The following AGBL1 variants were observed in gnomAD, a reference collection of about 807,000 sequenced individuals.
The protein encoded by AGBL1 is cytosolic carboxypeptidase 4.
AGBL1 carries 130 observed loss-of-function variants against 118.9 expected under a neutral mutation model. That is an observed-to-expected ratio of 1.09 (90% CI 0.95 to 1.26). The LOEUF (loss-of-function observed/expected upper bound fraction) is 1.26. Among genes scored for constraint, AGBL1 ranks in the 50% most tolerant of loss-of-function variants. The probability of loss-of-function intolerance (pLI) is 0.00; values close to 1 mark genes in which losing one functional copy is unlikely to be tolerated. For synonymous variants in AGBL1, 555 were observed against 478.9 expected (o/e 1.16, Z -2.08); for missense variants, 1,584 against 1,298.1 (o/e 1.22, Z -3.38).
intron 21 of AGBL1, among the ~76,000 whole-genome samples, chr15:86,565,216 A>G (rs2083894930): frequency 6.6e-6 from 1 of 152,238 alleles, no homozygotes; most frequent in Non-Finnish European, 1.5e-5. Flanking sequence ...TCTGATTTTT[A>G]GAATTTTCAG....
chr15:86,134,593 ATCAATGGTGCCTTTTTTTTTTTTTT>A (rs1304561127), intron 1 of AGBL1, among the ~76,000 whole-genome samples: 1 of 137,362 alleles, frequency 7.3e-6, no homozygotes, highest in Non-Finnish European at 1.6e-5. Flanking sequence ...ACTGTGATGG[ATCAATGGTGCCTTTTTTTTTTTTTT>A]TTTTTTTTTT....
intron 23 of AGBL1, among the ~76,000 whole-genome samples, chr15:86,961,931 G>A (rs550945211): frequency 6.6e-6 from 1 of 152,168 alleles, no homozygotes; most frequent in African/African-American, 2.4e-5. Flanking sequence ...CTACTAAATA[G>A]AAGGGCCTGA....
chr15:86,704,237 C>T (rs1382056421), intron 22 of AGBL1, among the ~76,000 whole-genome samples: 1 of 152,146 alleles, frequency 6.6e-6, no homozygotes, highest in African/African-American at 2.4e-5. Context: ...GGCAAAGACT[C>T]ATGACTAAAA....
chr15:86,992,466 T>C (rs1170506080), intron 24 of AGBL1, among the ~76,000 whole-genome samples: 2 of 152,214 alleles, frequency 1.3e-5, no homozygotes, highest in South Asian at 2.1e-4. Flanking sequence ...CATACTTTGA[T>C]CTATTGCACT....
chr15:86,350,595 C>A (rs531059273), intron 17 of AGBL1, among the ~76,000 whole-genome samples: 1 of 152,236 alleles, frequency 6.6e-6, no homozygotes, highest in South Asian at 2.1e-4. Flanking sequence ...CCAGGATTTG[C>A]CTGTAATGCA....
intron 16 of AGBL1, among the ~76,000 whole-genome samples, chr15:86,280,386 T>A (rs1170545847): frequency 6.6e-6 from 1 of 152,136 alleles, no homozygotes; most frequent in African/African-American, 2.4e-5. Flanking sequence ...AAGAAGTCAG[T>A]GCAGACTCAC....
chr15:86,640,344 G>A (rs2085170477), intron 21 of AGBL1, among the ~76,000 whole-genome samples: 1 of 152,134 alleles, frequency 6.6e-6, no homozygotes, highest in Non-Finnish European at 1.5e-5. Context: ...CTGATTGGAA[G>A]AGCAATCAGA....
In AGBL1 at chr15:86,662,240, T is replaced by C. The variant is rs536199200; in HGVS notation, c.2995-12033T>C. On this transcript the variant is annotated intron_variant, in intron 21 of 22. Transcript: ENST00000614907. Reference sequence around the variant, plus strand: ...TATTCTGCTATGCCTCTGTGTGTAATATTACATACTGCATAGGGAAAAAGT... The same window carrying C: ...TATTCTGCTATGCCTCTGTGTGTAACATTACATACTGCATAGGGAAAAAGT... 2.6e-5 allele frequency among the ~76,000 whole-genome samples: 4 copies of C among 152,394 alleles called. No individual in the cohort carries two copies. In the South Asian group the frequency reaches 8.3e-4, roughly 32 times the overall value.
intron 17 of AGBL1, chr15:86,295,820 C>T (rs1038896931): frequency 8.3e-5 from 13 of 157,522 alleles, no homozygotes; most frequent in Admixed American, 7.9e-4. Context: ...GCTAAAGAAT[C>T]CCCTTGATAA....
chr15:86,246,269 G>A (rs2054692612), intron 6 of AGBL1, among the ~76,000 whole-genome samples: 1 of 152,206 alleles, frequency 6.6e-6, no homozygotes, highest in African/African-American at 2.4e-5. Context: ...GTTGGGGTGT[G>A]TGGAGGAGGC....
At chr15:86,243,450 T>A (rs772527328) in intron 6 of AGBL1, among the ~76,000 whole-genome samples, 1 of 152,124 alleles carries the variant, frequency 6.6e-6, no homozygotes, top group Admixed American at 6.5e-5. Context: ...CCTGGAGAGA[T>A]AAGCAGAAAT....
At chr15:86,237,170 A>G (rs1316398806) in intron 6 of AGBL1, among the ~76,000 whole-genome samples, 6 of 152,286 alleles carry the variant, frequency 3.9e-5, no homozygotes, top group African/African-American at 7.2e-5. Context: ...TTTCCTCTGT[A>G]TCTGCCTAAA....
At chr15:86,360,594 C>A (rs12592506) in intron 17 of AGBL1, among the ~76,000 whole-genome samples, 72,811 of 151,568 alleles carry the variant, frequency 0.48, 18,671 homozygotes, top group Non-Finnish European at 0.58. Flanking sequence ...TCTTTTTTGG[C>A]AGAGTTTAAG....
At chr15:86,965,260 C>T (rs556219417) in intron 23 of AGBL1, among the ~76,000 whole-genome samples, 43 of 152,182 alleles carry the variant, frequency 2.8e-4, no homozygotes, top group Admixed American at 1.4e-3. Context: ...AGTCTAAAAG[C>T]GTTTCTATTT....
intron 6 of AGBL1, among the ~76,000 whole-genome samples, chr15:86,235,990 G>A (rs563576146): frequency 6.6e-6 from 1 of 152,318 alleles, no homozygotes; most frequent in South Asian, 2.1e-4. Context: ...CACTGAGGCC[G>A]AAAGAGATTG....
intron 22 of AGBL1, among the ~76,000 whole-genome samples, chr15:86,753,232 G>T (rs2077881500): frequency 6.6e-6 from 1 of 151,758 alleles, no homozygotes; most frequent in Non-Finnish European, 1.5e-5. Flanking sequence ...GGTTTTTCTG[G>T]CTCAATCTCC....
chr15:86,083,948 T>C (rs1010518329), intron 1 of AGBL1, among the ~76,000 whole-genome samples: 2 of 152,224 alleles, frequency 1.3e-5, no homozygotes, highest in Non-Finnish European at 2.9e-5. Flanking sequence ...AATTTTCCTT[T>C]AGATAGCAAA....
chr15:86,731,651 T>C (rs977145465), intron 22 of AGBL1, among the ~76,000 whole-genome samples: 2 of 152,058 alleles, frequency 1.3e-5, no homozygotes, highest in Non-Finnish European at 2.9e-5. Flanking sequence ...GATACAAAGA[T>C]AGAGAGAGGA....
chr15:86,498,177 A>G (rs1425243978), intron 18 of AGBL1, among the ~76,000 whole-genome samples: 2 of 151,946 alleles, frequency 1.3e-5, no homozygotes, highest in Non-Finnish European at 2.9e-5. Context: ...ATAATTATAA[A>G]TGGCTGTCTG....
Sources: gnomAD v4.1 joint callset for allele counts (sites outside exome capture counted in the v4.1 genomes callset) on GRCh38, gnomAD v4.1.1 for gene constraint, MANE v1.5 for transcripts, NCBI Gene and HGNC (gene_info 2026-07-23, HGNC 2026-07-21) for gene names.